Variants in LPAR6 observed in about 807,000 individuals in gnomAD.
The protein encoded by LPAR6 is lysophosphatidic acid receptor 6.
Under a neutral mutation model 22.0 loss-of-function variants are expected in LPAR6, and 17 were observed. The observed-to-expected ratio is 0.77, with a 90% confidence interval of 0.53 to 1.16. The LOEUF (loss-of-function observed/expected upper bound fraction) is 1.16, where lower values mean the gene tolerates loss of function less well. Among genes scored for constraint, LPAR6 ranks in the 50% most tolerant of loss-of-function variants. The pLI is 0.00. For synonymous variants in LPAR6, 136 were observed against 139.8 expected (o/e 0.97, Z 0.19); for missense variants, 384 against 406.9 (o/e 0.94, Z 0.48).
At chr13:48,438,494 C>G (rs1022428490) in intron 1 of LPAR6, among the ~76,000 whole-genome samples, 3 of 151,932 alleles carry the variant, frequency 2.0e-5, no homozygotes, top group Admixed American at 6.6e-5. Flanking sequence ...TTCATGGCAC[C>G]CTGTGTATTC....
intron 1 of LPAR6, chr13:48,424,206 A>G (rs1949047930): frequency 6.6e-6 from 1 of 152,458 alleles, no homozygotes; most frequent in Non-Finnish European, 1.5e-5. Flanking sequence ...TTTATTTTCT[A>G]TAAAAATATC....
upstream of LPAR6, among the ~76,000 whole-genome samples, chr13:48,417,896 G>C (rs1170598072): frequency 6.6e-6 from 1 of 152,182 alleles, no homozygotes; most frequent in Non-Finnish European, 1.5e-5. Flanking sequence ...CCAAACCTAT[G>C]TTTGATTGTC....
At chr13:48,396,031 A>G (rs550490449) in intron 1 of LPAR6, among the ~76,000 whole-genome samples, 67 of 152,350 alleles carry the variant, frequency 4.4e-4, no homozygotes, top group African/African-American at 1.5e-3. Flanking sequence ...TTCCATGCTC[A>G]TGGATGGGAA....
intron 1 of LPAR6, among the ~76,000 whole-genome samples, chr13:48,437,250 A>T (rs971333926): frequency 6.6e-6 from 1 of 152,226 alleles, no homozygotes; most frequent in African/African-American, 2.4e-5. Context: ...TTGAGTAGAT[A>T]AGTAATAACA....
downstream of LPAR6, among the ~76,000 whole-genome samples, chr13:48,406,204 T>G (rs191362008): frequency 2.3e-3 from 342 of 148,988 alleles, 7 homozygotes; most frequent in Admixed American, 0.021. Flanking sequence ...AGGGTTAATG[T>G]GTGTGTGTAT....
intron 1 of LPAR6, among the ~76,000 whole-genome samples, chr13:48,402,987 C>A (rs906692022): frequency 3.3e-5 from 5 of 151,832 alleles, no homozygotes; most frequent in African/African-American, 9.7e-5. Context: ...AACCTTTTTA[C>A]CTTTTTTATA....
chr13:48,444,368 T>G (rs956890771), intron 1 of LPAR6, among the ~76,000 whole-genome samples: 2 of 151,966 alleles, frequency 1.3e-5, no homozygotes, highest in African/African-American at 4.8e-5. Flanking sequence ...AATACAAAAA[T>G]TATCTGGGTG....
At chr13:48,418,566 G>A (rs1340524079) in intron 2 of LPAR6, among the ~76,000 whole-genome samples, 1 of 152,092 alleles carries the variant, frequency 6.6e-6, no homozygotes, top group Non-Finnish European at 1.5e-5. Context: ...CGGGCTAAGT[G>A]CCACAATTAA....
intron 2 of LPAR6, among the ~76,000 whole-genome samples, chr13:48,420,298 T>C (rs2138238717): frequency 6.6e-6 from 1 of 152,278 alleles, no homozygotes; most frequent in East Asian, 1.9e-4. Context: ...CATGATTATG[T>C]CAATAGATGC....
At chr13:48,406,768 G>T (rs1948743705), downstream of LPAR6, 1 of 152,174 alleles carries the variant, frequency 6.6e-6, no homozygotes. Flanking sequence ...AAGAATCTGG[G>T]TTCAGCCAGG....
chr13:48,391,312 A>G (rs1380638216), intron 1 of LPAR6: 1 of 152,178 alleles, frequency 6.6e-6, no homozygotes, highest in Non-Finnish European at 1.5e-5. Context: ...TCTACAATAC[A>G]CTCATAACTT....
Position 48,412,952 on chromosome 13 carries a change from T to C in LPAR6, c.-529A>G, listed in dbSNP as rs963233261. The C allele has an allele frequency of 1.2e-5, 2 of 169,622 alleles. 1 individual carries two copies. Among genetic ancestry groups the C allele is most frequent in the African/African-American group, 4.8e-5 (2 of 41,596 alleles). 10.5% of individuals were successfully genotyped at this position (169,622 alleles called of 1,614,324 possible). On this transcript the variant is annotated 5_prime_UTR_variant, in exon 1 of 1. Coordinates refer to ENST00000620633, the MANE Select transcript of LPAR6 (RefSeq NM_001162498.3). ...GTCCCATTTTACTTCTTGCTTCTTT[T>C]AAATGAAGTTTTCCTTTTTTGTTTT...
At chr13:48,408,371 A>G (rs1296234870), downstream of LPAR6, among the ~76,000 whole-genome samples, 1 of 151,962 alleles carries the variant, frequency 6.6e-6, no homozygotes, top group African/African-American at 2.4e-5. Flanking sequence ...CTGGAAAGCC[A>G]TTTTTCCACA....
chr13:48,430,101 T>A (rs1174748879), upstream of LPAR6, among the ~76,000 whole-genome samples: 1 of 152,178 alleles, frequency 6.6e-6, no homozygotes, highest in Non-Finnish European at 1.5e-5. Context: ...TAATTTGCAT[T>A]CTCCACACCT....
At chr13:48,398,521 T>A (rs539694930) in intron 1 of LPAR6, among the ~76,000 whole-genome samples, 35 of 152,146 alleles carry the variant, frequency 2.3e-4, no homozygotes, top group African/African-American at 8.2e-4. Context: ...CTGTAATTTT[T>A]TTTTAAAGCT....
intron 1 of LPAR6, among the ~76,000 whole-genome samples, chr13:48,425,945 G>A (rs1001409670): frequency 1.4e-4 from 21 of 152,266 alleles, no homozygotes; most frequent in Admixed American, 1.2e-3. Flanking sequence ...GGAGAATGAC[G>A]AAGTCAAAAC....
At chr13:48,417,280 A>G (rs1948927850), upstream of LPAR6, 1 of 152,960 alleles carries the variant, frequency 6.5e-6, no homozygotes, top group Non-Finnish European at 1.5e-5. Context: ...ATATCCAGAC[A>G]AACAGGGTCT....
upstream of LPAR6, chr13:48,415,675 T>C (rs1593490389): frequency 2.6e-5 from 4 of 152,232 alleles, no homozygotes; most frequent in Non-Finnish European, 5.9e-5. Context: ...ATCAGTATCA[T>C]AGTAAATGTT....
chr13:48,429,598 A>C (rs1054058367), upstream of LPAR6: 1 of 152,166 alleles, frequency 6.6e-6, no homozygotes. Context: ...CTAAAAAAAA[A>C]ACAAAAAACC....
Sources: gnomAD v4.1 joint callset for allele counts (sites outside exome capture counted in the v4.1 genomes callset) on GRCh38, gnomAD v4.1.1 for gene constraint, MANE v1.5 for transcripts, NCBI Gene and HGNC (gene_info 2026-07-23, HGNC 2026-07-21) for gene names.